The following CSNK1G2 variants were observed in gnomAD, a reference collection of about 807,000 sequenced individuals.
CSNK1G2 encodes casein kinase I isoform gamma-2.
Under a neutral mutation model 48.0 loss-of-function variants are expected in CSNK1G2, and 11 were observed. The observed-to-expected ratio is 0.23, with a 90% confidence interval of 0.14 to 0.38. The LOEUF is 0.38. Ranked by LOEUF, CSNK1G2 falls within the 10% of genes least tolerant of loss-of-function variation. The pLI is 1.00. For synonymous variants in CSNK1G2, 337 were observed against 254.1 expected (o/e 1.33, Z -3.10); for missense variants, 446 against 595.5 (o/e 0.75, Z 2.61).
At chr19:1,955,420 C>T (rs1467561477) in intron 1 of CSNK1G2, among the ~76,000 whole-genome samples, 1 of 151,252 alleles carries the variant, frequency 6.6e-6, no homozygotes, top group Admixed American at 6.6e-5. Flanking sequence ...GCAGTGCTCC[C>T]GTTTTCCACT....
intron 2 of CSNK1G2, chr19:1,975,269 C>G (rs1431627375): frequency 8.1e-6 from 8 of 985,344 alleles, no homozygotes; most frequent in Non-Finnish European, 9.6e-6. Context: ...CTGGATGATA[C>G]ATCGACAGAC....
At chr19:1,963,872 A>C (rs1297006375) in intron 1 of CSNK1G2, among the ~76,000 whole-genome samples, 1 of 146,166 alleles carries the variant, frequency 6.8e-6, no homozygotes, top group African/African-American at 2.6e-5. Flanking sequence ...GCTGGAGTGC[A>C]ATGGCACGAT....
Position 1,980,938 on chromosome 19 carries a change from C to A in CSNK1G2, c.*735C>A, listed in dbSNP as rs948130758. The A allele has an allele frequency of 6.6e-6, 1 of 152,314 alleles. No individual in the cohort carries two copies. The highest frequency in any genetic ancestry group is 2.4e-5 in the African/African-American group (1 of 41,472). The allele number at this position is 152,314 out of a possible 1,614,324, so 9.4% of individuals were successfully genotyped here. On this transcript the variant is annotated 3_prime_UTR_variant, in exon 12 of 12. Transcript: ENST00000255641. ...ACGCACTTGCTCCCGGAGGCTGCGC[C>A]CCGGCGCCTGGAACCCGAGGTGGGA... is the stretch of plus-strand genomic sequence containing the variant.
chr19:1,970,070 C>A, intron 2 of CSNK1G2, 111 bp downstream of exon 2: 1 of 850,710 alleles, frequency 1.2e-6, no homozygotes. Context: ...TCTGGCGGGG[C>A]CGCCCCATGT....
In CSNK1G2 at chr19:1,956,268, G is replaced by A. The variant is rs149537408; in HGVS notation, c.-265-13240G>A. On this transcript the variant is annotated intron_variant, in intron 1 of 11. Transcript: ENST00000255641. Reference sequence around the variant, plus strand: ...CAGCAGGGCAGCGCTCACGTCACAGGTTCTGGGGGTTGGGGCTTGTCATCT... The same window carrying A: ...CAGCAGGGCAGCGCTCACGTCACAGATTCTGGGGGTTGGGGCTTGTCATCT... 4.5e-3 allele frequency among the ~76,000 whole-genome samples: 688 copies of A among 152,342 alleles called. 2 individuals carry two copies. Among genetic ancestry groups the A allele is most frequent in the Middle Eastern group, 6.8e-3 (2 of 294 alleles).
chr19:1,948,908 A>G (rs914259611), intron 1 of CSNK1G2, among the ~76,000 whole-genome samples: 3 of 152,226 alleles, frequency 2.0e-5, no homozygotes, highest in African/African-American at 4.8e-5. Flanking sequence ...AGACCAGAAC[A>G]TGTGGAGAAA....
chr19:1,978,796 G>T lies in CSNK1G2; in HGVS notation c.447+46G>T. 6.3e-7 allele frequency: 1 copy of T among 1,581,642 alleles called. No individual in the cohort carries two copies. Reference sequence around the variant, plus strand: ...GGCGGGGCTCGGAGGGAAGAGGGTGGCCCTGGAGGGGAGCGCGTGGGACGG... The same window carrying T: ...GGCGGGGCTCGGAGGGAAGAGGGTGTCCCTGGAGGGGAGCGCGTGGGACGG... On this transcript the variant is annotated intron_variant, in intron 5 of 11. Transcript: ENST00000255641. This position sits in a 1 kb window ranked among gnomAD's most constrained non-coding sequence, Gnocchi z 7.3.
chr19:1,975,575 G>A, intron 2 of CSNK1G2: 1 of 985,450 alleles, frequency 1.0e-6, no homozygotes, highest in Non-Finnish European at 1.2e-6. Context: ...CCCACCGCAG[G>A]GGCAGCCTTT....
At chr19:1,976,062 T>C in intron 2 of CSNK1G2, 1 of 1,289,164 alleles carries the variant, frequency 7.8e-7, no homozygotes, top group South Asian at 1.2e-5. Flanking sequence ...GAAATCCCTC[T>C]AAAAATAAAA....
chr19:1,967,757 C>G (rs188287287), intron 1 of CSNK1G2, among the ~76,000 whole-genome samples: 2 of 80,104 alleles, frequency 2.5e-5, no homozygotes, highest in African/African-American at 1.7e-4. Flanking sequence ...CCAGGCTGCC[C>G]CCGACCACCC....
rs201198130 is a variant in CSNK1G2 at position 1,978,969 on chromosome 19, C to T, written c.558C>T (p.Ile186=). The part of the protein sequence containing the change: ...PGTKRQHAIH[I]IDFGLAKEYI... ...CCAAGCGGCAGCATGCCATCCACAT[C>T]ATCGACTTCGGGCTGGCCAAGGAGT... Residue 186 remains isoleucine, a synonymous_variant, in exon 6 of 12, where the codon ATC becomes ATT. Coordinates refer to ENST00000255641, the MANE Select transcript of CSNK1G2 (RefSeq NM_001319.7). This position sits in a 1 kb window ranked among gnomAD's most constrained non-coding sequence, Gnocchi z 7.3. 159 of 1,600,474 alleles carry T rather than the reference C, an allele frequency of 9.9e-5. No individual in the cohort carries two copies. The highest frequency in any genetic ancestry group is 1.3e-4 in the Non-Finnish European group (148 of 1,179,726).
At position 1,978,961 on chromosome 19, in the gene CSNK1G2, A is replaced by G. The variant is rs747018303; in HGVS notation, c.550A>G (p.Ile184Val). The part of the protein sequence containing the change: ...GRPGTKRQHA[I>V]HIIDFGLAKE... Reference sequence around the variant, plus strand: ...CCCGGGGACCAAGCGGCAGCATGCCATCCACATCATCGACTTCGGGCTGGC... The same window carrying G: ...CCCGGGGACCAAGCGGCAGCATGCCGTCCACATCATCGACTTCGGGCTGGC... Residue 184 changes from isoleucine to valine, a missense_variant, in exon 6 of 12, where the codon ATC becomes GTC. Coordinates refer to ENST00000255641, the MANE Select transcript of CSNK1G2 (RefSeq NM_001319.7). This position sits in a 1 kb window ranked among gnomAD's most constrained non-coding sequence, Gnocchi z 7.3. 2 of 1,600,772 alleles carry G rather than the reference A, an allele frequency of 1.2e-6. No individual in the cohort carries two copies. The highest frequency in any genetic ancestry group is 1.3e-5 in the African/African-American group (1 of 74,856).
chr19:1,980,680 T>C lies in CSNK1G2; in HGVS notation c.*477T>C. The stretch of plus-strand genomic sequence containing the variant: ...CCGGCCTGGAGGGGTGCTGTGGAGC[T>C]GTCTTGCCCAGGCCCTCCTGGGAGG... On this transcript the variant is annotated 3_prime_UTR_variant, in exon 12 of 12. Transcript: ENST00000255641. The C allele has an allele frequency of 5.5e-6, 1 of 180,638 alleles. No homozygotes were observed. Among genetic ancestry groups the C allele is most frequent in the South Asian group, 9.4e-5 (1 of 10,670 alleles). The allele number at this position is 180,638 out of a possible 1,614,324, so 11.2% of individuals were successfully genotyped here. A position where few individuals can be genotyped will look rare whatever the true frequency, so the allele number is the denominator to read the frequency against.
At chr19:1,979,448 C>CCCCCAA in intron 8 of CSNK1G2, 45 bp downstream of exon 8, 1 of 680,024 alleles carries the variant, frequency 1.5e-6, no homozygotes, top group Non-Finnish European at 2.4e-6. Flanking sequence ...CACCCCCCAC[C>CCCCCAA]CCCCACCCCC....
At chr19:1,976,027 T>C in intron 2 of CSNK1G2, 1 of 1,278,442 alleles carries the variant, frequency 7.8e-7, no homozygotes, top group Non-Finnish European at 1.0e-6. Flanking sequence ...AGAACGAGAC[T>C]CTGCTCCAAA....
intron 1 of CSNK1G2, among the ~76,000 whole-genome samples, chr19:1,961,735 G>A (rs1437961244): frequency 2.0e-5 from 3 of 152,270 alleles, no homozygotes; most frequent in Admixed American, 2.0e-4. Flanking sequence ...AAACGCCCAG[G>A]AAGGAAGTTA....
intron 1 of CSNK1G2, among the ~76,000 whole-genome samples, chr19:1,943,303 C>T (rs1007029343): frequency 9.2e-5 from 14 of 152,126 alleles, no homozygotes; most frequent in East Asian, 7.7e-4. Flanking sequence ...CTGTCTAGTT[C>T]CTCTGAAGAG....
At chr19:1,976,235 T>C (rs2015749534) in intron 2 of CSNK1G2, 1 of 656,040 alleles carries the variant, frequency 1.5e-6, no homozygotes, top group Non-Finnish European at 2.3e-6. Flanking sequence ...GGAGCCCATT[T>C]GTTCTGAAAA....
intron 2 of CSNK1G2, chr19:1,975,550 C>T (rs980976426): frequency 3.1e-5 from 31 of 985,278 alleles, no homozygotes; most frequent in African/African-American, 2.8e-4. Flanking sequence ...ACACGCAGCA[C>T]GACACGGCGA....
Sources: gnomAD v4.1 joint callset for allele counts (sites outside exome capture counted in the v4.1 genomes callset) on GRCh38, gnomAD v4.1.1 for gene constraint, Gnocchi (gnomAD v3.1) non-coding constraint, MANE v1.5 for transcripts, NCBI Gene and HGNC (gene_info 2026-07-23, HGNC 2026-07-21) for gene names.